Variants in KCNMB2 observed in about 807,000 individuals in gnomAD.
KCNMB2 encodes calcium-activated potassium channel subunit beta-2.
Under a neutral mutation model 24.5 loss-of-function variants are expected in KCNMB2, and 9 were observed. The observed-to-expected ratio is 0.37, with a 90% CI of 0.22 to 0.64. KCNMB2 has a LOEUF of 0.64. Among genes scored for constraint, KCNMB2 ranks in the 30% least tolerant of loss-of-function variants. The probability of loss-of-function intolerance (pLI) is 0.63; values close to 1 mark genes in which losing one functional copy is unlikely to be tolerated. For synonymous variants in KCNMB2, 109 were observed against 104.4 expected (o/e 1.04, Z -0.27); for missense variants, 226 against 284.3 (o/e 0.79, Z 1.47).
intron 1 of KCNMB2, among the ~76,000 whole-genome samples, chr3:178,640,778 G>T (rs1257788435): frequency 6.6e-6 from 1 of 152,076 alleles, no homozygotes; most frequent in East Asian, 1.9e-4. Context: ...CAAATCCAAG[G>T]TCACCTGGAT....
chr3:178,833,578 C>T (rs1715120263), intron 4 of KCNMB2, among the ~76,000 whole-genome samples: 1 of 152,116 alleles, frequency 6.6e-6, no homozygotes, highest in Admixed American at 6.6e-5. Context: ...TCCTGTTATC[C>T]TTCCCAAGCT....
At chr3:178,556,798 G>A (rs922078148) in intron 1 of KCNMB2, among the ~76,000 whole-genome samples, 2 of 152,038 alleles carry the variant, frequency 1.3e-5, no homozygotes, top group African/African-American at 4.8e-5. Flanking sequence ...ATTTTACAGT[G>A]GCAAGGGTGA....
At chr3:178,707,049 A>G (rs1722302784) in intron 1 of KCNMB2, among the ~76,000 whole-genome samples, 1 of 152,146 alleles carries the variant, frequency 6.6e-6, no homozygotes. Flanking sequence ...AAAAGTAAAG[A>G]ATACTTAGTC....
intron 1 of KCNMB2, among the ~76,000 whole-genome samples, chr3:178,714,153 A>G (rs928390500): frequency 2.6e-5 from 4 of 152,104 alleles, no homozygotes; most frequent in Non-Finnish European, 5.9e-5. Flanking sequence ...ACACACACAC[A>G]CAGTGGAAAT....
intron 1 of KCNMB2, among the ~76,000 whole-genome samples, chr3:178,696,119 AAGG>A (rs1360186399): frequency 6.6e-6 from 1 of 152,226 alleles, no homozygotes; most frequent in African/African-American, 2.4e-5. Flanking sequence ...TGGCAGCAGG[AAGG>A]AGAAGAATGA....
rs1160563646 is a variant in KCNMB2 at position 178,614,289 on chromosome 3, A to ATG, written c.-68+77579_-68+77580insGT. ...TATATATATATATATATATATATAT[A>ATG]TATATATGTATGTATATATATGTAT... On this transcript the variant is annotated intron_variant, in intron 1 of 4. Transcript: ENST00000452583. Among the ~76,000 whole-genome samples, 20 of 97,798 alleles carry ATG rather than the reference A, an allele frequency of 2.0e-4. 1 individual carries two copies. The highest frequency in any genetic ancestry group is 7.9e-4 in the African/African-American group (20 of 25,282). The allele number at this position is 97,798 out of a possible 152,430, so 64.2% of individuals were successfully genotyped here.
At chr3:178,789,401 A>C (rs1417747214) in intron 1 of KCNMB2, among the ~76,000 whole-genome samples, 1 of 152,200 alleles carries the variant, frequency 6.6e-6, no homozygotes, top group Non-Finnish European at 1.5e-5. Flanking sequence ...GGAACACTAC[A>C]TGGAAAGACA....
At chr3:178,549,310 T>A (rs1216024795) in intron 1 of KCNMB2, among the ~76,000 whole-genome samples, 3 of 120,042 alleles carry the variant, frequency 2.5e-5, no homozygotes, top group Non-Finnish European at 3.7e-5. Flanking sequence ...TTTTATTTTC[T>A]TTTTTTTTTT....
chr3:178,697,353 T>G (rs180672816), intron 1 of KCNMB2, among the ~76,000 whole-genome samples: 2 of 152,252 alleles, frequency 1.3e-5, no homozygotes, highest in Admixed American at 6.5e-5. Flanking sequence ...TTTACCATTA[T>G]GTAATGCCCT....
At chr3:178,581,180 T>C (rs574022001) in intron 1 of KCNMB2, among the ~76,000 whole-genome samples, 1 of 152,096 alleles carries the variant, frequency 6.6e-6, no homozygotes, top group Non-Finnish European at 1.5e-5. Context: ...GATAGACCAA[T>C]GGAACAAAAC....
At chr3:178,794,824 A>T (rs1713471942) in intron 1 of KCNMB2, among the ~76,000 whole-genome samples, 1 of 152,206 alleles carries the variant, frequency 6.6e-6, no homozygotes, top group Non-Finnish European at 1.5e-5. Flanking sequence ...CCCCCTGGCC[A>T]TAGGCAGTAT....
intron 2 of KCNMB2, among the ~76,000 whole-genome samples, chr3:178,815,236 T>A (rs1714360258): frequency 6.6e-6 from 1 of 152,002 alleles, no homozygotes; most frequent in Non-Finnish European, 1.5e-5. Context: ...AATCCTGGGC[T>A]CAAGCAATCC....
chr3:178,614,297 G>GTATAATTTTATATATA (rs1718620687), intron 1 of KCNMB2, among the ~76,000 whole-genome samples: 1 of 54,594 alleles, frequency 1.8e-5, no homozygotes, highest in East Asian at 5.5e-4. Context: ...ATATATATAT[G>GTATAATTTTATATATA]TATGTATATA....
intron 1 of KCNMB2, among the ~76,000 whole-genome samples, chr3:178,542,711 G>A (rs1445099814): frequency 6.6e-6 from 1 of 152,108 alleles, no homozygotes; most frequent in African/African-American, 2.4e-5. Flanking sequence ...GATGTCTCAT[G>A]TACTCCTTCC....
intron 1 of KCNMB2, among the ~76,000 whole-genome samples, chr3:178,752,435 A>C (rs1723881947): frequency 6.6e-6 from 1 of 152,220 alleles, no homozygotes; most frequent in Non-Finnish European, 1.5e-5. Context: ...TAGTATATAC[A>C]ATTAATAAGG....
chr3:178,542,959 C>A (rs1392959399), intron 1 of KCNMB2, among the ~76,000 whole-genome samples: 2 of 152,160 alleles, frequency 1.3e-5, no homozygotes, highest in Admixed American at 6.5e-5. Flanking sequence ...AATGAAATAA[C>A]CTGTGCCCAG....
chr3:178,790,957 A>G (rs1197676045), intron 1 of KCNMB2, among the ~76,000 whole-genome samples: 33 of 152,244 alleles, frequency 2.2e-4, no homozygotes, highest in Non-Finnish European at 2.2e-4. Context: ...TTAGATCACA[A>G]CACTTCATTC....
At chr3:178,748,246 C>T (rs949616667) in intron 1 of KCNMB2, 1 of 152,152 alleles carries the variant, frequency 6.6e-6, no homozygotes, top group Admixed American at 6.6e-5. Flanking sequence ...ATTCCATATC[C>T]TGGAGTTTAG....
chr3:178,560,473 T>C (rs1716277319), intron 1 of KCNMB2, among the ~76,000 whole-genome samples: 1 of 152,242 alleles, frequency 6.6e-6, no homozygotes, highest in African/African-American at 2.4e-5. Flanking sequence ...TTCCCAACTT[T>C]ATCCTTAGAA....
Sources: allele counts gnomAD v4.1 joint callset (sites outside exome capture counted in the v4.1 genomes callset), GRCh38; gene constraint gnomAD v4.1.1; transcripts MANE v1.5; gene names NCBI Gene and HGNC (gene_info 2026-07-23, HGNC 2026-07-21).